The following CDYL2 variants were observed in gnomAD, a reference collection of about 807,000 sequenced individuals.
CDYL2 encodes the protein chromodomain Y like 2, also known as chromodomain Y-like protein 2.
A neutral mutation model predicts 49.4 loss-of-function variants in CDYL2; 23 were observed. That is an observed-to-expected ratio of 0.47 (90% CI 0.34 to 0.66). The LOEUF (loss-of-function observed/expected upper bound fraction) is 0.66, where lower values mean the gene tolerates loss of function less well. Among genes scored for constraint, CDYL2 ranks in the 30% least tolerant of loss-of-function variants. The pLI is 0.01. For missense variants in CDYL2, 678 were observed against 656.4 expected (o/e 1.03, Z -0.36); for synonymous variants, 360 against 268.8 (o/e 1.34, Z -3.32).
At chr16:80,690,723 T>C (rs982458982) in intron 1 of CDYL2, among the ~76,000 whole-genome samples, 16 of 152,246 alleles carry the variant, frequency 1.1e-4, no homozygotes, top group Admixed American at 3.9e-4. Context: ...GCCAATTTCC[T>C]TGAAGTCCTG....
Position 80,632,929 on chromosome 16 carries a change from T to A in CDYL2, c.834+90A>T, listed in dbSNP as rs56713233. 3.8e-6 allele frequency: 5 copies of A among 1,313,098 alleles called. No individual in the cohort carries two copies. The South Asian group carries it at 5.1e-5, about 13-fold the overall frequency. The allele number at this position is 1,313,098 out of a possible 1,614,324, so 81.3% of individuals were successfully genotyped here. ...ACGCTAGTTACCATCCTCAGCTCCC[T>A]GATGGAAGGAAGGAGAAAGCCAATA... On this transcript the variant is annotated intron_variant, in intron 3 of 6. Transcript: ENST00000570137.
chr16:80,745,197 A>T (rs1178043520), intron 1 of CDYL2, among the ~76,000 whole-genome samples: 3 of 152,198 alleles, frequency 2.0e-5, no homozygotes, highest in Non-Finnish European at 4.4e-5. Flanking sequence ...AGGGTCCCCC[A>T]GCTAGAATGC....
At chr16:80,676,941 T>G (rs1028582403) in intron 2 of CDYL2, among the ~76,000 whole-genome samples, 2 of 151,450 alleles carry the variant, frequency 1.3e-5, no homozygotes, top group African/African-American at 4.8e-5. Flanking sequence ...TTCTGAGGAC[T>G]TTTTAACAAC....
chr16:80,671,385 G>C (rs1230163494), intron 2 of CDYL2, among the ~76,000 whole-genome samples: 3 of 152,170 alleles, frequency 2.0e-5, no homozygotes, highest in African/African-American at 7.2e-5. Flanking sequence ...CTGCATTAGA[G>C]TGGCTGCCAC....
intron 1 of CDYL2, among the ~76,000 whole-genome samples, chr16:80,764,690 C>T (rs1010036811): frequency 4.6e-5 from 7 of 151,910 alleles, no homozygotes; most frequent in Admixed American, 1.3e-4. Context: ...CATCGCCATC[C>T]GTGGGAAAAG....
intron 3 of CDYL2, among the ~76,000 whole-genome samples, chr16:80,626,806 G>C (rs183145875): frequency 1.4e-3 from 214 of 152,300 alleles, no homozygotes; most frequent in African/African-American, 4.9e-3. Context: ...AGTTTTAAAA[G>C]AACTTCCATT....
intron 3 of CDYL2, among the ~76,000 whole-genome samples, chr16:80,626,366 T>C (rs1907302588): frequency 6.6e-6 from 1 of 151,602 alleles, no homozygotes; most frequent in African/African-American, 2.4e-5. Context: ...TGATATTCAT[T>C]AATTTGAGGG....
At chr16:80,696,814 T>C (rs78602709) in intron 1 of CDYL2, among the ~76,000 whole-genome samples, 1 of 152,116 alleles carries the variant, frequency 6.6e-6, no homozygotes, top group Admixed American at 6.5e-5. Flanking sequence ...CTAAAACTAA[T>C]TCTTCTCCAA....
chr16:80,640,356 G>A (rs978157327), intron 2 of CDYL2, among the ~76,000 whole-genome samples: 8 of 152,130 alleles, frequency 5.3e-5, no homozygotes, highest in Admixed American at 4.6e-4. Flanking sequence ...GCCTTCAAGG[G>A]AAGGATCCCA....
intron 2 of CDYL2, among the ~76,000 whole-genome samples, chr16:80,642,940 T>A (rs1456482179): frequency 6.6e-6 from 1 of 152,190 alleles, no homozygotes; most frequent in Non-Finnish European, 1.5e-5. Flanking sequence ...AGTCCTCATA[T>A]TTCAAAAGCA....
In CDYL2 at chr16:80,766,201, G is replaced by A. The variant is rs141967785; in HGVS notation, c.24+37949C>T. Among the ~76,000 whole-genome samples the A allele has an allele frequency of 4.4e-4, 67 of 152,018 alleles. No individual in the cohort carries two copies. In the Middle Eastern group the frequency reaches 0.01, roughly 23 times the overall value. ...ATAATGGCTGCACAACTCTGTGAAT[G>A]CACTAAAAACTACCGAATTGCATAT... On this transcript the variant is annotated intron_variant, in intron 1 of 6. Transcript: ENST00000570137.
chr16:80,679,555 C>G, intron 2 of CDYL2, among the ~76,000 whole-genome samples: 1 of 152,356 alleles, frequency 6.6e-6, no homozygotes, highest in South Asian at 2.1e-4. Flanking sequence ...CCTCTCACGA[C>G]TGCCATGAGG....
chr16:80,780,486 G>T (rs1215044382), intron 1 of CDYL2, among the ~76,000 whole-genome samples: 3 of 138,914 alleles, frequency 2.2e-5, no homozygotes, highest in African/African-American at 8.2e-5. Context: ...CTCACTGCAA[G>T]CTCCGCCTCC....
At chr16:80,622,731 A>T (rs901583740) in intron 3 of CDYL2, among the ~76,000 whole-genome samples, 3 of 152,116 alleles carry the variant, frequency 2.0e-5, no homozygotes, top group Non-Finnish European at 4.4e-5. Flanking sequence ...CCAACTCAAA[A>T]GGCACCTGTG....
chr16:80,759,191 A>G (rs1010575305), intron 1 of CDYL2, among the ~76,000 whole-genome samples: 24 of 146,040 alleles, frequency 1.6e-4, no homozygotes, highest in Non-Finnish European at 7.5e-5. Context: ...GTATATATAT[A>G]TATAATTTGA....
chr16:80,629,931 C>T (rs1408232167), intron 3 of CDYL2, among the ~76,000 whole-genome samples: 1 of 152,210 alleles, frequency 6.6e-6, no homozygotes, highest in Non-Finnish European at 1.5e-5. Flanking sequence ...CCTGTGCATA[C>T]ATTATCTCTA....
intron 4 of CDYL2, among the ~76,000 whole-genome samples, chr16:80,614,854 ACT>A (rs1167418106): frequency 7.1e-6 from 1 of 140,576 alleles, no homozygotes; most frequent in African/African-American, 2.8e-5. Flanking sequence ...ACAGAGTGAG[ACT>A]CTGTCTCAGG....
intron 1 of CDYL2, among the ~76,000 whole-genome samples, chr16:80,717,139 C>CTGGATCGA (rs1904837131): frequency 7.8e-6 from 1 of 129,016 alleles, no homozygotes; most frequent in Admixed American, 7.6e-5. Context: ...GATGGGTGGA[C>CTGGATCGA]TGGATCGATA....
chr16:80,637,141 G>T lies in CDYL2; in HGVS notation c.617-3905C>A, dbSNP rs1287480688. ...TAGGTGCAGCAAACCACCATGGCAC[G>T]TGTATACTTATGTAACAAACCTGCA... On this transcript the variant is annotated intron_variant, in intron 2 of 6. Coordinates refer to ENST00000570137, the MANE Select transcript of CDYL2 (RefSeq NM_152342.4). 2.0e-5 allele frequency among the ~76,000 whole-genome samples: 3 copies of T among 151,788 alleles called. No homozygotes were observed. In the East Asian group the frequency reaches 5.8e-4, roughly 29 times the overall value.
Sources: gnomAD v4.1 joint callset for allele counts (sites outside exome capture counted in the v4.1 genomes callset) on GRCh38, gnomAD v4.1.1 for gene constraint, MANE v1.5 for transcripts, NCBI Gene and HGNC (gene_info 2026-07-23, HGNC 2026-07-21) for gene names.